CDKAL1: variants seen among roughly 807,000 people sequenced by gnomAD.
CDKAL1 encodes CDKAL1 threonylcarbamoyladenosine tRNA methylthiotransferase, also known as threonylcarbamoyladenosine tRNA methylthiotransferase.
A neutral mutation model predicts 68.2 loss-of-function variants in CDKAL1; 32 were observed. That is an observed-to-expected ratio of 0.47 (90% CI 0.35 to 0.63). The LOEUF is 0.63. Ranked by LOEUF, CDKAL1 falls within the 30% of genes least tolerant of loss-of-function variation. CDKAL1 has a pLI of 0.00. For missense variants in CDKAL1, 606 were observed against 696.7 expected (o/e 0.87, Z 1.47); for synonymous variants, 234 against 244.3 (o/e 0.96, Z 0.39).
intron 8 of CDKAL1, among the ~76,000 whole-genome samples, chr6:20,839,431 G>A (rs530335234): frequency 6.6e-6 from 1 of 152,260 alleles, no homozygotes; most frequent in African/African-American, 2.4e-5. Context: ...CCTATTTGAT[G>A]TCCAGTTATG....
At chr6:20,964,970 G>A (rs1465204101) in intron 10 of CDKAL1, among the ~76,000 whole-genome samples, 1 of 152,116 alleles carries the variant, frequency 6.6e-6, no homozygotes, top group South Asian at 2.1e-4. Flanking sequence ...GGATACCATG[G>A]TTGTCAAGAT....
At chr6:20,825,002 G>GTTT (rs1307990529) in intron 8 of CDKAL1, among the ~76,000 whole-genome samples, 1 of 152,132 alleles carries the variant, frequency 6.6e-6, no homozygotes, top group Non-Finnish European at 1.5e-5. Context: ...TCATGTTAAA[G>GTTT]TTTTATTTAT....
chr6:20,722,698 G>A (rs1253375427), intron 5 of CDKAL1: 5 of 168,510 alleles, frequency 3.0e-5, no homozygotes, highest in Non-Finnish European at 6.3e-5. Flanking sequence ...TTCTGTTCCT[G>A]TTTGCCCACT....
chr6:21,088,925 G>A (rs764996270), intron 12 of CDKAL1, among the ~76,000 whole-genome samples: 4 of 152,062 alleles, frequency 2.6e-5, no homozygotes, highest in Non-Finnish European at 5.9e-5. Context: ...CTGGGCAACA[G>A]AGCAAGACTC....
At chr6:20,903,010 G>A (rs9366368) in intron 9 of CDKAL1, among the ~76,000 whole-genome samples, 145,892 of 152,210 alleles carry the variant, frequency 0.96, 69,929 homozygotes, top group East Asian at 1. Flanking sequence ...ACAGGAAGTT[G>A]CCAGTTTTTT....
intron 11 of CDKAL1, among the ~76,000 whole-genome samples, chr6:21,010,126 G>A (rs546509111): frequency 4.6e-5 from 7 of 152,050 alleles, no homozygotes; most frequent in Admixed American, 3.3e-4. Context: ...ATAGTATTAC[G>A]TATCAATTTT....
chr6:20,968,780 T>G (rs1268387233), intron 10 of CDKAL1, among the ~76,000 whole-genome samples: 1 of 152,078 alleles, frequency 6.6e-6, no homozygotes, highest in Non-Finnish European at 1.5e-5. Context: ...TCATTATTGG[T>G]ACTCTATTTG....
chr6:20,933,985 G>T (rs980887643), intron 9 of CDKAL1, among the ~76,000 whole-genome samples: 4 of 151,450 alleles, frequency 2.6e-5, no homozygotes, highest in Non-Finnish European at 4.4e-5. Context: ...AACATTCAAG[G>T]CATTATATAT....
intron 5 of CDKAL1, 24 bp from the exon 6 acceptor site, chr6:20,739,495 A>G: frequency 6.7e-7 from 1 of 1,484,672 alleles, no homozygotes; most frequent in African/African-American, 1.4e-5. Flanking sequence ...AGGAATTCAC[A>G]TTGTCTTCTC....
chr6:21,033,175 G>A (rs1371807437), intron 11 of CDKAL1, among the ~76,000 whole-genome samples: 4 of 152,120 alleles, frequency 2.6e-5, no homozygotes, highest in African/African-American at 9.7e-5. Context: ...GGACTTAGAA[G>A]TTATGCCTGT....
intron 7 of CDKAL1, among the ~76,000 whole-genome samples, chr6:20,767,310 C>A (rs549179182): frequency 6.6e-6 from 1 of 152,188 alleles, no homozygotes; most frequent in Admixed American, 6.5e-5. Context: ...TGATTATTCT[C>A]AGCACAATAG....
rs541755274 is a variant in CDKAL1, at chr6:20,692,854, C to T, written c.371+43477C>T. Among the ~76,000 whole-genome samples the T allele has an allele frequency of 1.1e-4, 17 of 151,904 alleles. No homozygotes were observed. The East Asian group carries it at 2.5e-3, about 22-fold the overall frequency. ...GTTAAAAGACAGTTGTGGCCGGGTGCGGTGGCTCACACTTGTAATCCCAGC... is the reference window on the plus strand; with the variant it reads ...GTTAAAAGACAGTTGTGGCCGGGTGTGGTGGCTCACACTTGTAATCCCAGC... On this transcript the variant is annotated intron_variant, in intron 5 of 15. Coordinates refer to ENST00000274695, the MANE Select transcript of CDKAL1 (RefSeq NM_017774.3).
intron 10 of CDKAL1, among the ~76,000 whole-genome samples, chr6:20,963,597 A>G (rs1214797914): frequency 6.6e-6 from 1 of 152,260 alleles, no homozygotes; most frequent in African/African-American, 2.4e-5. Flanking sequence ...ACTTTATTTC[A>G]GAACAGATTG....
intron 11 of CDKAL1, among the ~76,000 whole-genome samples, chr6:21,023,130 A>AT (rs11438527): frequency 0.78 from 116,587 of 149,508 alleles, 45,692 homozygotes; most frequent in Middle Eastern, 0.9. Flanking sequence ...TCAATTGATA[A>AT]TTTTTTTTTT....
chr6:21,144,477 C>T (rs113959410), intron 13 of CDKAL1, among the ~76,000 whole-genome samples: 57 of 152,108 alleles, frequency 3.7e-4, no homozygotes, highest in African/African-American at 1.3e-3. Flanking sequence ...TACTGAATCA[C>T]CTGTTGGTCC....
intron 5 of CDKAL1, among the ~76,000 whole-genome samples, chr6:20,727,397 A>G (rs1008193594): frequency 1.3e-5 from 2 of 152,224 alleles, no homozygotes; most frequent in African/African-American, 4.8e-5. Context: ...ACTTAAGGAC[A>G]CAGTTAGAAT....
At chr6:21,098,701 T>G (rs78740599) in intron 12 of CDKAL1, among the ~76,000 whole-genome samples, 1 of 152,054 alleles carries the variant, frequency 6.6e-6, no homozygotes, top group South Asian at 2.1e-4. Flanking sequence ...AAGCACATAG[T>G]TGAGTGGGTT....
At chr6:21,072,554 CAAAAAAAAAA>C (rs71540611) in intron 12 of CDKAL1, among the ~76,000 whole-genome samples, 3 of 44,486 alleles carry the variant, frequency 6.7e-5, no homozygotes, top group African/African-American at 8.5e-5. Context: ...GACTCCGTCT[CAAAAAAAAAA>C]AAAAAAAAAA....
intron 4 of CDKAL1, chr6:20,599,486 G>A: frequency 2.9e-6 from 1 of 344,314 alleles, no homozygotes; most frequent in Non-Finnish European, 5.9e-6. Context: ...ACTCATTCAT[G>A]CAAACACTGG....
Sources: allele counts gnomAD v4.1 joint callset (sites outside exome capture counted in the v4.1 genomes callset), GRCh38; gene constraint gnomAD v4.1.1; transcripts MANE v1.5; gene names NCBI Gene and HGNC (gene_info 2026-07-23, HGNC 2026-07-21).